LSAMP: variants seen among roughly 807,000 people sequenced by gnomAD.
LSAMP encodes the protein limbic system-associated membrane protein.
Under a neutral mutation model 38.6 loss-of-function variants are expected in LSAMP, and 7 were observed. The observed-to-expected ratio is 0.18, with a 90% CI of 0.10 to 0.34. The LOEUF is 0.34. Ranked by LOEUF, LSAMP falls within the 10% of genes least tolerant of loss-of-function variation. The pLI, the probability that LSAMP is intolerant of heterozygous loss-of-function variation, is 1.00. For missense variants in LSAMP, 313 were observed against 420.0 expected, an observed-to-expected ratio of 0.75 and a Z score of 2.23; for synonymous variants, 154 against 166.8, an observed-to-expected ratio of 0.92 and a Z score of 0.59.
intron 1 of LSAMP, among the ~76,000 whole-genome samples, chr3:116,276,731 A>AAAAG (rs1273328664): frequency 6.6e-6 from 1 of 152,158 alleles, no homozygotes. Context: ...TATTGAAGCT[A>AAAAG]AAAGATTGAA....
At chr3:115,995,945 A>T (rs963981207) in intron 3 of LSAMP, among the ~76,000 whole-genome samples, 1 of 152,026 alleles carries the variant, frequency 6.6e-6, no homozygotes, top group Non-Finnish European at 1.5e-5. Context: ...ATATATTAAC[A>T]ATCAGAACTC....
At chr3:116,208,271 T>C (rs2046098267) in intron 1 of LSAMP, among the ~76,000 whole-genome samples, 2 of 150,770 alleles carry the variant, frequency 1.3e-5, no homozygotes, top group African/African-American at 2.4e-5. Context: ...TAAGCACTTC[T>C]CTGTATTGGT....
intron 1 of LSAMP, among the ~76,000 whole-genome samples, chr3:116,141,867 G>C (rs562602606): frequency 1.9e-4 from 29 of 152,068 alleles, no homozygotes; most frequent in African/African-American, 6.7e-4. Flanking sequence ...CTCAAGGAAA[G>C]AATATGACTT....
intron 1 of LSAMP, among the ~76,000 whole-genome samples, chr3:116,094,114 C>A (rs1409061576): frequency 6.6e-6 from 1 of 152,026 alleles, no homozygotes; most frequent in East Asian, 1.9e-4. Context: ...AAAATAAATA[C>A]CAAGTTAGTT....
At chr3:116,439,320 T>TTG (rs1553736599) in intron 1 of LSAMP, among the ~76,000 whole-genome samples, 6 of 124,642 alleles carry the variant, frequency 4.8e-5, no homozygotes, top group East Asian at 2.6e-4. Context: ...GATTTTGTTG[T>TTG]TTTTTTTTTT....
rs571073278 is a variant in LSAMP at position 116,405,203 on chromosome 3, C to T, written c.155+39674G>A. ...GTGAGTAGGAGGCTGGAGTAATTTA[C>T]CACTCTGAACAACAGGGCTGTCTGG... On this transcript the variant is annotated intron_variant, in intron 1 of 6. Transcript: ENST00000490035. Among the ~76,000 whole-genome samples the T allele has an allele frequency of 3.9e-4, 59 of 152,244 alleles. 2 individuals carry two copies. The Middle Eastern group carries it at 0.014, about 35-fold the overall frequency.
At chr3:116,312,775 A>T (rs2047574337) in intron 1 of LSAMP, among the ~76,000 whole-genome samples, 1 of 152,178 alleles carries the variant, frequency 6.6e-6, no homozygotes, top group Admixed American at 6.5e-5. Context: ...GTATGCAATG[A>T]AAACAAGAGA....
In LSAMP at chr3:116,167,411, C is replaced by T. The variant is rs1440526079; in HGVS notation, c.156-80855G>A. Among the ~76,000 whole-genome samples, 2 of 152,086 alleles carry T rather than the reference C, an allele frequency of 1.3e-5. 1 individual carries two copies. The highest frequency in any genetic ancestry group is 2.9e-5 in the Non-Finnish European group (2 of 68,022). On this transcript the variant is annotated intron_variant, in intron 1 of 6. Transcript: ENST00000490035. ...AGGTTATTACACAAATCCACTCATC[C>T]AAAAGGATAGAGGAAAAGATGTGAC...
At position 116,234,911 on chromosome 3, in the gene LSAMP, T is replaced by C. The variant is rs1002897092; in HGVS notation, c.156-148355A>G. On this transcript the variant is annotated intron_variant, in intron 1 of 6. Transcript: ENST00000490035. ...ACACTCAAATAATAATATGCTTTCT[T>C]CAAAATTGATAGCTCATATAAAGAT... Among the ~76,000 whole-genome samples the C allele has an allele frequency of 2.0e-5, 3 of 152,146 alleles. No homozygotes were observed. In the East Asian group the frequency reaches 5.8e-4, roughly 29 times the overall value.
chr3:116,256,279 C>CCTGT (rs1325623544), intron 1 of LSAMP, among the ~76,000 whole-genome samples: 1 of 152,166 alleles, frequency 6.6e-6, no homozygotes, highest in Non-Finnish European at 1.5e-5. Flanking sequence ...GCATTTAAAA[C>CCTGT]CTGTCTCTGA....
intron 1 of LSAMP, among the ~76,000 whole-genome samples, chr3:116,130,244 T>C (rs1709094683): frequency 6.6e-6 from 1 of 152,198 alleles, no homozygotes; most frequent in African/African-American, 2.4e-5. Context: ...TTTACAAAAT[T>C]GTCTGTGTCC....
chr3:116,230,478 G>C (rs568828180), intron 1 of LSAMP, among the ~76,000 whole-genome samples: 1 of 152,196 alleles, frequency 6.6e-6, no homozygotes, highest in East Asian at 1.9e-4. Context: ...TCGATTTCTT[G>C]GTTCCCATAT....
intron 1 of LSAMP, among the ~76,000 whole-genome samples, chr3:116,182,407 T>C (rs1167799146): frequency 6.6e-6 from 1 of 151,342 alleles, no homozygotes; most frequent in East Asian, 1.9e-4. Context: ...ATATACAAGA[T>C]GGTGAACAAA....
At chr3:115,835,234 C>G (rs563040374) in intron 6 of LSAMP, among the ~76,000 whole-genome samples, 1 of 152,152 alleles carries the variant, frequency 6.6e-6, no homozygotes, top group East Asian at 1.9e-4. Context: ...ACATTCTTAC[C>G]CGAAATTTGA....
At chr3:116,024,681 C>T (rs1433514913) in intron 2 of LSAMP, among the ~76,000 whole-genome samples, 1 of 152,014 alleles carries the variant, frequency 6.6e-6, no homozygotes, top group African/African-American at 2.4e-5. Flanking sequence ...TCCCATAGCC[C>T]TCCATAGAAT....
chr3:115,880,281 A>C (rs1364890451), intron 3 of LSAMP, among the ~76,000 whole-genome samples: 1 of 152,120 alleles, frequency 6.6e-6, no homozygotes, highest in East Asian at 1.9e-4. Flanking sequence ...AGTTTCATTA[A>C]TGGCATCATG....
At chr3:116,179,687 C>G (rs924508227) in intron 1 of LSAMP, among the ~76,000 whole-genome samples, 1 of 152,050 alleles carries the variant, frequency 6.6e-6, no homozygotes, top group African/African-American at 2.4e-5. Context: ...AGAGCTCATT[C>G]ACTGTCATGA....
At chr3:116,164,418 G>A (rs1014162783) in intron 1 of LSAMP, among the ~76,000 whole-genome samples, 4 of 150,544 alleles carry the variant, frequency 2.7e-5, no homozygotes, top group African/African-American at 9.8e-5. Flanking sequence ...TTAGGTTGGT[G>A]CAAACATAAT....
intron 3 of LSAMP, among the ~76,000 whole-genome samples, chr3:115,938,338 G>C (rs986280067): frequency 1.3e-5 from 2 of 152,036 alleles, no homozygotes; most frequent in Non-Finnish European, 2.9e-5. Context: ...AATGTTTGTG[G>C]AATAAGTTTT....
Sources: allele counts gnomAD v4.1 joint callset (sites outside exome capture counted in the v4.1 genomes callset), GRCh38; gene constraint gnomAD v4.1.1; transcripts MANE v1.5; gene names NCBI Gene and HGNC (gene_info 2026-07-23, HGNC 2026-07-21).